Variants in NGEF observed in about 807,000 individuals in gnomAD.
NGEF encodes ephexin-1.
A neutral mutation model predicts 80.9 loss-of-function variants in NGEF; 31 were observed. That is an observed-to-expected ratio of 0.38 (90% CI 0.29 to 0.52). The LOEUF (loss-of-function observed/expected upper bound fraction) is 0.52, where lower values mean the gene tolerates loss of function less well. Ranked by LOEUF, NGEF falls within the 20% of genes least tolerant of loss-of-function variation. The pLI, the probability that NGEF is intolerant of heterozygous loss-of-function variation, is 0.84. For missense variants in NGEF, 709 were observed against 926.2 expected (o/e 0.77, Z 3.04); for synonymous variants, 371 against 370.2 (o/e 1.00, Z -0.03).
intron 3 of NGEF, among the ~76,000 whole-genome samples, chr2:232,945,854 A>AC (rs200126601): frequency 0.29 from 43,296 of 151,886 alleles, 6,359 homozygotes; most frequent in East Asian, 0.35. Flanking sequence ...ATGTCTCACA[A>AC]CATACTGATG....
At chr2:232,973,513 G>A (rs111436755) in intron 2 of NGEF, among the ~76,000 whole-genome samples, 2,945 of 152,294 alleles carry the variant, frequency 0.019, 99 homozygotes, top group African/African-American at 0.067. Flanking sequence ...GACTATGCAA[G>A]GTCTGAGTCT....
chr2:232,971,599 C>T (rs1003927516), intron 2 of NGEF, among the ~76,000 whole-genome samples: 9 of 152,132 alleles, frequency 5.9e-5, no homozygotes, highest in East Asian at 1.9e-4. Flanking sequence ...GCAGGAGAAT[C>T]GCTTGAACCC....
intron 5 of NGEF, among the ~76,000 whole-genome samples, chr2:232,917,232 G>C (rs988126052): frequency 6.6e-6 from 1 of 152,208 alleles, no homozygotes; most frequent in Non-Finnish European, 1.5e-5. Flanking sequence ...AAAACTAAAA[G>C]AAGTGGAAAA....
intron 5 of NGEF, among the ~76,000 whole-genome samples, chr2:232,906,387 A>G (rs1692539859): frequency 1.9e-5 from 2 of 104,264 alleles, no homozygotes; most frequent in Non-Finnish European, 2.0e-5. Context: ...CCCGTCCGGG[A>G]GGGAGGTGGG....
At chr2:232,956,533 C>T (rs569373804) in intron 3 of NGEF, among the ~76,000 whole-genome samples, 3 of 152,010 alleles carry the variant, frequency 2.0e-5, no homozygotes, top group Admixed American at 6.6e-5. Flanking sequence ...TTTGGGAGGC[C>T]GAGGTGGGCG....
At chr2:232,913,565 G>A (rs1316942249) in intron 5 of NGEF, among the ~76,000 whole-genome samples, 2 of 152,180 alleles carry the variant, frequency 1.3e-5, no homozygotes, top group Admixed American at 6.5e-5. Flanking sequence ...ACAGAACAGT[G>A]TCCTTGACTG....
At chr2:232,949,664 A>C (rs1462424956) in intron 3 of NGEF, among the ~76,000 whole-genome samples, 1 of 148,806 alleles carries the variant, frequency 6.7e-6, no homozygotes, top group Non-Finnish European at 1.5e-5. Context: ...TTTTAAGTAG[A>C]GATGGGGTTT....
chr2:232,983,422 G>T (rs1034586838), intron 1 of NGEF, among the ~76,000 whole-genome samples: 1 of 152,084 alleles, frequency 6.6e-6, no homozygotes, highest in African/African-American at 2.4e-5. Context: ...GGTGCCTGAG[G>T]GGTGAATGGA....
At chr2:232,982,064 G>A (rs1265795549) in intron 1 of NGEF, among the ~76,000 whole-genome samples, 1 of 152,218 alleles carries the variant, frequency 6.6e-6, no homozygotes, top group Non-Finnish European at 1.5e-5. Flanking sequence ...ACAGCCCTGG[G>A]TGACTGGGAC....
intron 9 of NGEF, 147 bp downstream of exon 9, chr2:232,887,886 G>T: frequency 2.8e-6 from 2 of 707,382 alleles, no homozygotes; most frequent in South Asian, 1.6e-5. Context: ...AAGCCCCAGT[G>T]ACTCTTTTGA....
intron 5 of NGEF, among the ~76,000 whole-genome samples, chr2:232,900,687 CAT>C (rs1157010371): frequency 3.4e-5 from 5 of 145,906 alleles, no homozygotes; most frequent in East Asian, 2.0e-4. Context: ...CTCAGTCACT[CAT>C]ATACACGTTC....
intron 4 of NGEF, among the ~76,000 whole-genome samples, chr2:232,925,693 G>T (rs2106282187): frequency 6.6e-6 from 1 of 152,326 alleles, no homozygotes; most frequent in African/African-American, 2.4e-5. Flanking sequence ...CCAAAGAGGA[G>T]CCCTTTCAAG....
chr2:233,003,417 G>A (rs1423028268), intron 1 of NGEF, among the ~76,000 whole-genome samples: 1 of 152,208 alleles, frequency 6.6e-6, no homozygotes, highest in Admixed American at 6.5e-5. Context: ...AACGTCTCCT[G>A]ACTAGGTTCT....
At position 232,918,638 on chromosome 2, in the gene NGEF, T is replaced by G. The variant is rs1281243436; in HGVS notation, c.828+1646A>C. ...AGGATTTATTTCTAAGTTTTTTTTTTTTTTTTTTTTTTTTTAGACGGAGTC... is the reference window on the plus strand; with the variant it reads ...AGGATTTATTTCTAAGTTTTTTTTTGTTTTTTTTTTTTTTTAGACGGAGTC... On this transcript the variant is annotated intron_variant, in intron 5 of 14. Coordinates refer to ENST00000264051, the MANE Select transcript of NGEF (RefSeq NM_019850.3). Among the ~76,000 whole-genome samples, 11 of 150,266 alleles carry G rather than the reference T, an allele frequency of 7.3e-5. No individual in the cohort carries two copies. The South Asian group carries it at 1.3e-3, about 17-fold the overall frequency.
At chr2:232,904,975 TTAA>T (rs750717664) in intron 5 of NGEF, among the ~76,000 whole-genome samples, 13 of 152,120 alleles carry the variant, frequency 8.5e-5, no homozygotes, top group Non-Finnish European at 1.3e-4. Flanking sequence ...CAACAAACTA[TTAA>T]TAAGCTGAGA....
intron 5 of NGEF, among the ~76,000 whole-genome samples, chr2:232,908,328 A>C (rs989980894): frequency 5.3e-5 from 8 of 152,136 alleles, no homozygotes; most frequent in African/African-American, 1.9e-4. Context: ...TAGAAAGTAT[A>C]CAAATATATT....
At chr2:232,900,148 G>T (rs1255784341) in intron 5 of NGEF, among the ~76,000 whole-genome samples, 5 of 87,110 alleles carry the variant, frequency 5.7e-5, no homozygotes, top group Non-Finnish European at 6.6e-5. Context: ...ACACACACAC[G>T]CTCACAGTCA....
chr2:232,959,495 G>T (rs935159219), intron 3 of NGEF, among the ~76,000 whole-genome samples: 5 of 152,006 alleles, frequency 3.3e-5, no homozygotes, highest in African/African-American at 1.2e-4. Context: ...TGTGGAAATG[G>T]GACATTGCCC....
At chr2:232,968,156 T>G (rs187612608) in intron 3 of NGEF, among the ~76,000 whole-genome samples, 49 of 148,680 alleles carry the variant, frequency 3.3e-4, no homozygotes, top group Non-Finnish European at 6.9e-4. Flanking sequence ...TGGTGTGATC[T>G]CTGCTTACCG....
Sources: gnomAD v4.1 joint callset for allele counts (sites outside exome capture counted in the v4.1 genomes callset) on GRCh38, gnomAD v4.1.1 for gene constraint, MANE v1.5 for transcripts, NCBI Gene and HGNC (gene_info 2026-07-23, HGNC 2026-07-21) for gene names.